Variants in DSCAM observed in about 807,000 individuals in gnomAD.
The protein encoded by DSCAM is cell adhesion molecule DSCAM.
Under a neutral mutation model 217.7 loss-of-function variants are expected in DSCAM, and 47 were observed. The ratio of observed to expected loss-of-function variants is 0.22; its 90% confidence interval spans 0.17 to 0.28. The LOEUF is 0.28. Ranked by LOEUF, DSCAM falls within the 10% of genes least tolerant of loss-of-function variation. The pLI is 1.00. For missense variants in DSCAM, 2,080 were observed against 2,618.3 expected (o/e 0.79, Z 4.49); for synonymous variants, 1,056 against 1,015.3 (o/e 1.04, Z -0.76).
At chr21:40,654,733 T>C (rs2090054408) in intron 3 of DSCAM, among the ~76,000 whole-genome samples, 1 of 152,180 alleles carries the variant, frequency 6.6e-6, no homozygotes, top group African/African-American at 2.4e-5. Flanking sequence ...AACTTGACTC[T>C]CCTGACTCTG....
chr21:40,021,246 C>T (rs1036124203), intron 32 of DSCAM, among the ~76,000 whole-genome samples: 2 of 150,184 alleles, frequency 1.3e-5, no homozygotes, highest in Admixed American at 6.6e-5. Flanking sequence ...CATAGCTACG[C>T]AGGTCGGTAG....
In DSCAM at chr21:40,136,898, G is replaced by A. The variant is rs556275830; in HGVS notation, c.3407-2889C>T. On this transcript the variant is annotated intron_variant, in intron 18 of 32. Coordinates refer to ENST00000400454, the MANE Select transcript of DSCAM (RefSeq NM_001389.5). ...CTTAAAGAAAGCAAACACTTGGCCCGGTGCAGTGGCTCATGCCTGTAATCC... is the reference window on the plus strand; with the variant it reads ...CTTAAAGAAAGCAAACACTTGGCCCAGTGCAGTGGCTCATGCCTGTAATCC... Among the ~76,000 whole-genome samples the A allele has an allele frequency of 1.4e-3, 210 of 152,234 alleles. 1 individual carries two copies. Among genetic ancestry groups the A allele is most frequent in the African/African-American group, 4.6e-3 (193 of 41,558 alleles).
intron 1 of DSCAM, among the ~76,000 whole-genome samples, chr21:40,818,866 T>C (rs975296396): frequency 1.3e-5 from 2 of 152,216 alleles, no homozygotes; most frequent in Admixed American, 1.3e-4. Flanking sequence ...GAATGAGACA[T>C]TGTTACTTTA....
At chr21:40,023,429 C>T (rs1257533451) in intron 32 of DSCAM, among the ~76,000 whole-genome samples, 1 of 151,544 alleles carries the variant, frequency 6.6e-6, no homozygotes, top group Non-Finnish European at 1.5e-5. Flanking sequence ...TTCTAGGTCC[C>T]TGAGGAATCG....
chr21:40,156,562 G>C (rs552780555), intron 16 of DSCAM, among the ~76,000 whole-genome samples: 7 of 152,302 alleles, frequency 4.6e-5, no homozygotes, highest in African/African-American at 1.7e-4. Flanking sequence ...TTTTGAGTGG[G>C]GCACTGCTAT....
chr21:40,818,482 C>A (rs1279452453), intron 1 of DSCAM, among the ~76,000 whole-genome samples: 1 of 131,752 alleles, frequency 7.6e-6, no homozygotes, highest in Non-Finnish European at 1.6e-5. Flanking sequence ...GGAGGTGGAG[C>A]TTGCAGTGAG....
At chr21:40,573,539 A>G (rs193059365) in intron 3 of DSCAM, among the ~76,000 whole-genome samples, 4 of 152,210 alleles carry the variant, frequency 2.6e-5, no homozygotes, top group African/African-American at 9.6e-5. Context: ...TGGTGCATAG[A>G]GGGAGATTCA....
chr21:40,530,295 GCT>G (rs1446498411), intron 3 of DSCAM, among the ~76,000 whole-genome samples: 1 of 152,134 alleles, frequency 6.6e-6, no homozygotes, highest in Admixed American at 6.5e-5. Context: ...GATTTGATAA[GCT>G]CTCTTTTCTC....
chr21:40,134,982 A>G (rs2090192160), intron 18 of DSCAM, among the ~76,000 whole-genome samples: 1 of 152,220 alleles, frequency 6.6e-6, no homozygotes, highest in Non-Finnish European at 1.5e-5. Flanking sequence ...TCAACTAATA[A>G]CATTCACAGA....
At chr21:40,549,032 C>T (rs1464358277) in intron 3 of DSCAM, among the ~76,000 whole-genome samples, 1 of 152,050 alleles carries the variant, frequency 6.6e-6, no homozygotes, top group Non-Finnish European at 1.5e-5. Flanking sequence ...GGTGAAACCC[C>T]ATCTCTACCA....
chr21:40,041,668 C>T (rs2088752630), intron 32 of DSCAM, among the ~76,000 whole-genome samples: 1 of 152,108 alleles, frequency 6.6e-6, no homozygotes, highest in African/African-American at 2.4e-5. Context: ...CTTTCACAAC[C>T]CGGACGATTC....
At chr21:40,333,486 A>T (rs2123568624) in intron 8 of DSCAM, among the ~76,000 whole-genome samples, 1 of 152,098 alleles carries the variant, frequency 6.6e-6, no homozygotes, top group Admixed American at 6.6e-5. Flanking sequence ...CTCCTCAGCC[A>T]CCTGAGTATC....
At chr21:40,351,010 T>C (rs551674770) in intron 5 of DSCAM, among the ~76,000 whole-genome samples, 27 of 150,626 alleles carry the variant, frequency 1.8e-4, no homozygotes, top group African/African-American at 6.3e-4. Context: ...CTCAGCCTCC[T>C]GGGTAGCTGG....
At chr21:40,065,717 G>GT (rs2089197278) in intron 27 of DSCAM, among the ~76,000 whole-genome samples, 1 of 152,122 alleles carries the variant, frequency 6.6e-6, no homozygotes, top group Non-Finnish European at 1.5e-5. Context: ...GGGAACCTTT[G>GT]TTTTTTCTCT....
At chr21:40,544,920 A>T (rs1195891268) in intron 3 of DSCAM, among the ~76,000 whole-genome samples, 6 of 152,052 alleles carry the variant, frequency 3.9e-5, no homozygotes, top group Non-Finnish European at 8.8e-5. Context: ...AGTTTCCAAA[A>T]AAAAAAAAAG....
intron 3 of DSCAM, among the ~76,000 whole-genome samples, chr21:40,477,621 A>T (rs1462257414): frequency 1.3e-5 from 2 of 152,084 alleles, no homozygotes; most frequent in East Asian, 1.9e-4. Flanking sequence ...AAGTGATAAA[A>T]CCCATACTAC....
At chr21:40,092,982 G>C (rs7276954) in intron 21 of DSCAM, among the ~76,000 whole-genome samples, 25,648 of 151,988 alleles carry the variant, frequency 0.17, 2,328 homozygotes, top group African/African-American at 0.22. Flanking sequence ...GTTCATTCTT[G>C]TCTTTCAGGC....
intron 19 of DSCAM, among the ~76,000 whole-genome samples, chr21:40,133,178 G>C (rs1329958107): frequency 6.6e-6 from 1 of 152,162 alleles, no homozygotes; most frequent in Non-Finnish European, 1.5e-5. Context: ...CCTTAAACAG[G>C]CTTGGCCAAG....
intron 3 of DSCAM, among the ~76,000 whole-genome samples, chr21:40,670,865 C>T (rs1250536745): frequency 6.6e-6 from 1 of 152,138 alleles, no homozygotes; most frequent in Non-Finnish European, 1.5e-5. Context: ...GCATAGGTGA[C>T]TTAGCATTCC....
Sources: gnomAD v4.1 joint callset for allele counts (sites outside exome capture counted in the v4.1 genomes callset) on GRCh38, gnomAD v4.1.1 for gene constraint, MANE v1.5 for transcripts, NCBI Gene and HGNC (gene_info 2026-07-23, HGNC 2026-07-21) for gene names.